ADAMTS12: variants seen among roughly 807,000 people sequenced by gnomAD.
ADAMTS12 encodes the protein ADAM metallopeptidase with thrombospondin type 1 motif 12, also known as A disintegrin and metalloproteinase with thrombospondin motifs 12.
ADAMTS12 carries 118 observed loss-of-function variants against 167.8 expected under a neutral mutation model. That is an observed-to-expected ratio of 0.70 (90% CI 0.61 to 0.82). The LOEUF (loss-of-function observed/expected upper bound fraction) is 0.82. ADAMTS12 is among the 40% of genes least tolerant of loss of function. The pLI, the probability that ADAMTS12 is intolerant of heterozygous loss-of-function variation, is 0.00. For missense variants in ADAMTS12, 1,916 were observed against 1,998.8 expected (o/e 0.96, Z 0.79); for synonymous variants, 704 against 716.9 (o/e 0.98, Z 0.29).
chr5:33,564,868 A>T (rs1463630511), intron 19 of ADAMTS12, among the ~76,000 whole-genome samples: 1 of 152,232 alleles, frequency 6.6e-6, no homozygotes, highest in Non-Finnish European at 1.5e-5. Context: ...ACTGGGTCTT[A>T]GACTAACAGA....
intron 20 of ADAMTS12, among the ~76,000 whole-genome samples, chr5:33,551,878 G>T (rs1449144102): frequency 2.0e-5 from 3 of 152,214 alleles, no homozygotes; most frequent in African/African-American, 7.2e-5. Flanking sequence ...TTGCTTTTGT[G>T]TGCTGAATGA....
At chr5:33,701,793 C>T (rs1259744766) in intron 3 of ADAMTS12, among the ~76,000 whole-genome samples, 3 of 152,194 alleles carry the variant, frequency 2.0e-5, no homozygotes, top group Admixed American at 1.3e-4. Flanking sequence ...AGAGGCTTAA[C>T]TTGTGGGATT....
Position 33,534,833 on chromosome 5 carries a change from C to G in ADAMTS12, c.4606G>C (p.Asp1536His). 6.2e-7 allele frequency: 1 copy of G among 1,611,146 alleles called. No individual in the cohort carries two copies. ...CNQQACKKSA[D>H]LLCTKDKLSA... ...TCCCCGAGCAAACCCATTCACCCAC[C>G]GGCACTTTTCTTGCAGGCCTGCTGG... The change falls in exon 23 of 24, where the codon GAT becomes CAT. Residue 1536 changes from aspartate (D) to histidine (H), a missense_variant and splice_region_variant. Coordinates refer to ENST00000504830, the MANE Select transcript of ADAMTS12 (RefSeq NM_030955.4).
intron 2 of ADAMTS12, among the ~76,000 whole-genome samples, chr5:33,762,400 C>T (rs1169926397): frequency 2.0e-5 from 3 of 151,460 alleles, no homozygotes; most frequent in African/African-American, 4.9e-5. Context: ...CCCAGCTACT[C>T]GGGAGGCTGA....
intron 2 of ADAMTS12, among the ~76,000 whole-genome samples, chr5:33,793,230 T>C (rs1002182468): frequency 6.6e-6 from 1 of 152,224 alleles, no homozygotes; most frequent in Admixed American, 6.5e-5. Context: ...ACAAGAAACA[T>C]GAGCTCTAAC....
chr5:33,727,544 T>C (rs1162139848), intron 3 of ADAMTS12, among the ~76,000 whole-genome samples: 1 of 152,246 alleles, frequency 6.6e-6, no homozygotes, highest in Non-Finnish European at 1.5e-5. Context: ...TCAACTGTTG[T>C]AAACACATGA....
intron 2 of ADAMTS12, among the ~76,000 whole-genome samples, chr5:33,806,810 C>T (rs1339945426): frequency 6.6e-6 from 1 of 152,190 alleles, no homozygotes. Context: ...ATCCTGTTCA[C>T]TTTATCTTTG....
intron 2 of ADAMTS12, among the ~76,000 whole-genome samples, chr5:33,798,487 C>T (rs1287235190): frequency 7.7e-6 from 1 of 130,084 alleles, no homozygotes; most frequent in Non-Finnish European, 1.5e-5. Flanking sequence ...GTCACCCAGG[C>T]TGGAATGCAA....
At chr5:33,544,130 A>G (rs1250727606) in intron 22 of ADAMTS12, among the ~76,000 whole-genome samples, 1 of 152,220 alleles carries the variant, frequency 6.6e-6, no homozygotes, top group Non-Finnish European at 1.5e-5. Context: ...CTCAGCCCCA[A>G]ATCTCCTTAA....
intron 18 of ADAMTS12, among the ~76,000 whole-genome samples, chr5:33,582,853 G>C (rs1747138179): frequency 6.6e-6 from 1 of 152,124 alleles, no homozygotes; most frequent in Non-Finnish European, 1.5e-5. Flanking sequence ...TTTAAAAAAT[G>C]TTTATGGGTA....
chr5:33,764,684 A>G (rs1259112058), intron 2 of ADAMTS12, among the ~76,000 whole-genome samples: 1 of 152,210 alleles, frequency 6.6e-6, no homozygotes, highest in Non-Finnish European at 1.5e-5. Flanking sequence ...GGCCTTAACC[A>G]AAAGATCTAC....
chr5:33,790,830 G>A (rs1192291343), intron 2 of ADAMTS12, among the ~76,000 whole-genome samples: 1 of 141,324 alleles, frequency 7.1e-6, no homozygotes, highest in Non-Finnish European at 1.5e-5. Context: ...TATATATATG[G>A]CTAAGGTGCA....
chr5:33,853,866 T>G (rs141802987), intron 2 of ADAMTS12, among the ~76,000 whole-genome samples: 3 of 152,308 alleles, frequency 2.0e-5, no homozygotes, highest in African/African-American at 7.2e-5. Flanking sequence ...AGAATGTGCA[T>G]TTCTAACAAG....
At chr5:33,538,351 C>A (rs1183810805) in intron 22 of ADAMTS12, among the ~76,000 whole-genome samples, 2 of 152,132 alleles carry the variant, frequency 1.3e-5, no homozygotes, top group Non-Finnish European at 2.9e-5. Context: ...CCCCCATGAT[C>A]CGCTCACCTG....
intron 11 of ADAMTS12, among the ~76,000 whole-genome samples, chr5:33,638,213 A>G (rs772983965): frequency 6.6e-6 from 1 of 152,102 alleles, no homozygotes; most frequent in Non-Finnish European, 1.5e-5. Flanking sequence ...CTCCATTCCT[A>G]TCTCTACTTT....
intron 2 of ADAMTS12, among the ~76,000 whole-genome samples, chr5:33,773,085 A>AT (rs1745803371): frequency 1.3e-5 from 2 of 152,346 alleles, no homozygotes; most frequent in South Asian, 4.1e-4. Flanking sequence ...ATAAATAACC[A>AT]GGATTCTTGA....
chr5:33,837,259 T>C (rs930391594), intron 2 of ADAMTS12, among the ~76,000 whole-genome samples: 2 of 152,218 alleles, frequency 1.3e-5, no homozygotes, highest in African/African-American at 4.8e-5. Flanking sequence ...TTACTTTTAA[T>C]GGCAAAAACT....
At chr5:33,655,754 A>G (rs1741036937) in intron 7 of ADAMTS12, among the ~76,000 whole-genome samples, 2 of 151,962 alleles carry the variant, frequency 1.3e-5, no homozygotes, top group African/African-American at 4.8e-5. Context: ...CTCATCATCT[A>G]GGTTTTAAGC....
Position 33,870,333 on chromosome 5 carries a change from G to A in ADAMTS12, c.489+10786C>T, listed in dbSNP as rs547192500. The stretch of plus-strand genomic sequence containing the variant: ...ACTATTGACTGGGGAAGTGATAAAT[G>A]TCCATGAAATCTTCACAATTTATGT... On this transcript the variant is annotated intron_variant, in intron 2 of 23. Coordinates refer to ENST00000504830, the MANE Select transcript of ADAMTS12 (RefSeq NM_030955.4). 6.6e-5 allele frequency among the ~76,000 whole-genome samples: 10 copies of A among 152,286 alleles called. No homozygotes were observed. In the East Asian group the frequency reaches 9.6e-4, roughly 15 times the overall value.
Sources: allele counts gnomAD v4.1 joint callset (sites outside exome capture counted in the v4.1 genomes callset), GRCh38; gene constraint gnomAD v4.1.1; transcripts MANE v1.5; gene names NCBI Gene and HGNC (gene_info 2026-07-23, HGNC 2026-07-21).